CENPW: variants seen among roughly 807,000 people sequenced by gnomAD.
The protein encoded by CENPW is centromere protein W.
A neutral mutation model predicts 11.1 loss-of-function variants in CENPW; 3 were observed. The observed-to-expected ratio is 0.27, with a 90% CI of 0.12 to 0.70. CENPW has a LOEUF of 0.70. Ranked by LOEUF, CENPW falls within the 30% of genes least tolerant of loss-of-function variation. The pLI is 0.77. For synonymous variants in CENPW, 38 were observed against 42.0 expected (o/e 0.91, Z 0.37); for missense variants, 100 against 105.6 (o/e 0.95, Z 0.23).
chr6:126,396,462 G>C, the CENPW span, among the ~76,000 whole-genome samples: 1 of 152,160 alleles, frequency 6.6e-6, no homozygotes, highest in Non-Finnish European at 1.5e-5. Context: ...GCTTCCCTCT[G>C]TCCCAGAGAA....
chr6:126,387,252 C>T, the CENPW span, among the ~76,000 whole-genome samples: 1 of 151,746 alleles, frequency 6.6e-6, no homozygotes, highest in African/African-American at 2.4e-5. Flanking sequence ...TATCTGCAGG[C>T]CAGATCACAT....
rs1780270427 is a variant in CENPW at position 126,340,150 on chromosome 6, G to A, written c.-124G>A. The A allele has an allele frequency of 3.3e-6, 3 of 903,820 alleles. No homozygotes were observed. Among genetic ancestry groups the A allele is most frequent in the Non-Finnish European group, 3.5e-6 (2 of 575,136 alleles). 56.0% of individuals were successfully genotyped at this position (903,820 alleles called of 1,614,324 possible). A position where few individuals can be genotyped will look rare whatever the true frequency, so the allele number is the denominator to read the frequency against. ...CGGCGGATTCGAACGTTCGGACTGAGGTTTTTCTGCCTGAAGAAGCGTCAT... is the reference window on the plus strand; with the variant it reads ...CGGCGGATTCGAACGTTCGGACTGAAGTTTTTCTGCCTGAAGAAGCGTCAT... On this transcript the variant is annotated 5_prime_UTR_variant, in exon 1 of 3. Transcript: ENST00000368328.
the CENPW span, among the ~76,000 whole-genome samples, chr6:126,403,180 C>T: frequency 1.3e-5 from 2 of 152,074 alleles, no homozygotes; most frequent in Non-Finnish European, 1.5e-5. Flanking sequence ...TCTCCTTGGA[C>T]CTCCTTATTC....
At chr6:126,471,154 T>C in the CENPW span, among the ~76,000 whole-genome samples, 10 of 152,188 alleles carry the variant, frequency 6.6e-5, no homozygotes, top group African/African-American at 1.9e-4. Flanking sequence ...AAATCTTATC[T>C]TGAATTGTAA....
At chr6:126,386,083 G>T in the CENPW span, among the ~76,000 whole-genome samples, 6 of 152,158 alleles carry the variant, frequency 3.9e-5, no homozygotes, top group African/African-American at 1.4e-4. Context: ...ATCCTTCGGA[G>T]TGAGTTTCAA....
At chr6:126,350,869 A>T (rs1193475498), downstream of CENPW, among the ~76,000 whole-genome samples, 1 of 152,108 alleles carries the variant, frequency 6.6e-6, no homozygotes, top group African/African-American at 2.4e-5. Flanking sequence ...GTTATAAATA[A>T]ATAGGACTTC....
chr6:126,468,380 A>G, the CENPW span, among the ~76,000 whole-genome samples: 4 of 122,344 alleles, frequency 3.3e-5, no homozygotes, highest in Non-Finnish European at 6.4e-5. Flanking sequence ...AAATAGCGCC[A>G]TTGCACTCTA....
the CENPW span, among the ~76,000 whole-genome samples, chr6:126,359,393 T>C: frequency 2.0e-5 from 3 of 152,102 alleles, no homozygotes; most frequent in Non-Finnish European, 4.4e-5. Context: ...AGAATGTATA[T>C]GCTGTGATTT....
chr6:126,429,232 T>C, the CENPW span, among the ~76,000 whole-genome samples: 2 of 152,226 alleles, frequency 1.3e-5, no homozygotes, highest in African/African-American at 2.4e-5. Flanking sequence ...ACACCCTTGC[T>C]AAATCAGAGT....
the CENPW span, among the ~76,000 whole-genome samples, chr6:126,369,671 G>T: frequency 6.6e-6 from 1 of 152,222 alleles, no homozygotes; most frequent in East Asian, 1.9e-4. Flanking sequence ...GTAGATTCTG[G>T]ATATTAGTTC....
At chr6:126,387,109 TAA>T in the CENPW span, among the ~76,000 whole-genome samples, 1 of 151,934 alleles carries the variant, frequency 6.6e-6, no homozygotes, top group African/African-American at 2.4e-5. Context: ...ATAAATTAAC[TAA>T]GAGATTTTCT....
chr6:126,367,955 C>G, the CENPW span, among the ~76,000 whole-genome samples: 2 of 152,288 alleles, frequency 1.3e-5, no homozygotes, highest in African/African-American at 4.8e-5. Flanking sequence ...AAACCGTAAT[C>G]TAGAGGACTT....
At chr6:126,427,657 T>C in the CENPW span, among the ~76,000 whole-genome samples, 1 of 152,228 alleles carries the variant, frequency 6.6e-6, no homozygotes, top group Non-Finnish European at 1.5e-5. Flanking sequence ...TTATGCATTT[T>C]TAATCTATTG....
chr6:126,455,920 T>C, the CENPW span, among the ~76,000 whole-genome samples: 15 of 151,260 alleles, frequency 9.9e-5, no homozygotes, highest in South Asian at 3.1e-3. Flanking sequence ...CATTTCTATA[T>C]GCCTACAGTG....
chr6:126,400,936 C>T, the CENPW span, among the ~76,000 whole-genome samples: 1 of 152,154 alleles, frequency 6.6e-6, no homozygotes, highest in South Asian at 2.1e-4. Context: ...GTGTGAATAT[C>T]TGATATTGTC....
rs1420728081 is a variant in CENPW at position 126,348,629 on chromosome 6, T to G, written c.*137T>G. The G allele has an allele frequency of 3.6e-6, 2 of 562,492 alleles. No homozygotes were observed. Among genetic ancestry groups the G allele is most frequent in the Non-Finnish European group, 6.3e-6 (2 of 315,318 alleles). 34.8% of individuals were successfully genotyped at this position (562,492 alleles called of 1,614,324 possible). A position where few individuals can be genotyped will look rare whatever the true frequency, so the allele number is the denominator to read the frequency against. On this transcript the variant is annotated 3_prime_UTR_variant, in exon 3 of 3. Coordinates refer to ENST00000368328, the MANE Select transcript of CENPW (RefSeq NM_001012507.4). ...AGTGATGTGTGTGTTTGTATTTTTT[T>G]TCTGGCATGAAATATCTCAAGTAAA...
At chr6:126,388,337 A>G in the CENPW span, among the ~76,000 whole-genome samples, 4 of 151,994 alleles carry the variant, frequency 2.6e-5, no homozygotes, top group Non-Finnish European at 4.4e-5. Context: ...GCTATAATGT[A>G]CAGGGCAGGG....
chr6:126,453,214 C>T, the CENPW span, among the ~76,000 whole-genome samples: 2 of 151,072 alleles, frequency 1.3e-5, no homozygotes, highest in Admixed American at 1.3e-4. Context: ...CAGACAACCC[C>T]TGTGATATAA....
At chr6:126,397,478 C>T in the CENPW span, among the ~76,000 whole-genome samples, 5 of 152,142 alleles carry the variant, frequency 3.3e-5, no homozygotes, top group African/African-American at 9.7e-5. Context: ...TTCCTACCCT[C>T]TTCAGTGCGT....
Sources: allele counts gnomAD v4.1 joint callset (sites outside exome capture counted in the v4.1 genomes callset), GRCh38; gene constraint gnomAD v4.1.1; transcripts MANE v1.5; gene names NCBI Gene and HGNC (gene_info 2026-07-23, HGNC 2026-07-21).